Variants in PIK3CA observed in about 807,000 individuals in gnomAD.
PIK3CA encodes phosphatidylinositol 4,5-bisphosphate 3-kinase catalytic subunit alpha isoform.
PIK3CA carries 27 observed loss-of-function variants against 138.2 expected under a neutral mutation model. The observed-to-expected ratio is 0.20, with a 90% confidence interval of 0.14 to 0.27. The LOEUF (loss-of-function observed/expected upper bound fraction) is 0.27, where lower values mean the gene tolerates loss of function less well. Among genes scored for constraint, PIK3CA ranks in the 10% least tolerant of loss-of-function variants. The pLI, the probability that PIK3CA is intolerant of heterozygous loss-of-function variation, is 1.00. For synonymous variants in PIK3CA, 358 were observed against 413.2 expected (o/e 0.87, Z 1.62); for missense variants, 544 against 1,277.4 (o/e 0.43, Z 8.75).
chr3:179,215,771 C>T (rs561752722), intron 9 of PIK3CA, among the ~76,000 whole-genome samples: 1 of 152,210 alleles, frequency 6.6e-6, no homozygotes, highest in South Asian at 2.1e-4. Flanking sequence ...TCACTTTTCA[C>T]CCAGAATGAT....
chr3:179,198,482 T>G (rs1044711590), intron 1 of PIK3CA, among the ~76,000 whole-genome samples: 4 of 152,212 alleles, frequency 2.6e-5, no homozygotes, highest in African/African-American at 9.6e-5. Flanking sequence ...GATGAAACCT[T>G]AGAGAATCCA....
At chr3:179,183,618 A>T (rs968997747) in intron 1 of PIK3CA, among the ~76,000 whole-genome samples, 1 of 152,188 alleles carries the variant, frequency 6.6e-6, no homozygotes, top group South Asian at 2.1e-4. Context: ...CTTTATATCT[A>T]TTTGTAAGAA....
In PIK3CA at chr3:179,181,267, C is replaced by G. The variant is rs1179415282; in HGVS notation, c.-76-17483C>G. Reference sequence around the variant, plus strand: ...TTCTAGACTAAATTACTGGTATCAGCAATAAGTTTCATATTCTGACCAAAG... The same window carrying G: ...TTCTAGACTAAATTACTGGTATCAGGAATAAGTTTCATATTCTGACCAAAG... On this transcript the variant is annotated intron_variant, in intron 1 of 20. Transcript: ENST00000263967. Among the ~76,000 whole-genome samples, 2 of 152,016 alleles carry G rather than the reference C, an allele frequency of 1.3e-5. 1 individual carries two copies. The highest frequency in any genetic ancestry group is 2.9e-5 in the Non-Finnish European group (2 of 67,978).
intron 3 of PIK3CA, among the ~76,000 whole-genome samples, chr3:179,200,815 TG>T (rs1412909424): frequency 1.3e-5 from 2 of 152,170 alleles, no homozygotes; most frequent in Non-Finnish European, 2.9e-5. Context: ...AATTAGACAA[TG>T]CATTTCCTCT....
At chr3:179,159,115 C>T (rs953063660) in intron 1 of PIK3CA, among the ~76,000 whole-genome samples, 1 of 152,010 alleles carries the variant, frequency 6.6e-6, no homozygotes, top group African/African-American at 2.4e-5. Context: ...AAATTATCTG[C>T]GATTTTTGTT....
At chr3:179,233,391 A>G (rs1030649780) in intron 20 of PIK3CA, 3 of 396,664 alleles carry the variant, frequency 7.6e-6, no homozygotes, top group Non-Finnish European at 1.3e-5. Context: ...TTCTATGCCT[A>G]GTTTGTTGAG....
At position 179,218,630 on chromosome 3, in the gene PIK3CA, A is replaced by G. The variant is rs1207404497; in HGVS notation, c.1664+296A>G. On this transcript the variant is annotated intron_variant, in intron 10 of 20. Transcript: ENST00000263967. The stretch of plus-strand genomic sequence containing the variant: ...TTCTAGTAGTTTTAGGTCAATTTAG[A>G]TGTGATTTAGTTGGTCTAGATATTA... Among the ~76,000 whole-genome samples the G allele has an allele frequency of 2.6e-5, 4 of 151,954 alleles. No homozygotes were observed. The East Asian group carries it at 5.8e-4, about 22-fold the overall frequency.
chr3:179,183,183 G>C (rs978260393), intron 1 of PIK3CA, among the ~76,000 whole-genome samples: 2 of 152,142 alleles, frequency 1.3e-5, no homozygotes, highest in African/African-American at 4.8e-5. Flanking sequence ...GCTTGCAATG[G>C]ACATTTTCAT....
Position 179,236,733 on chromosome 3 carries a change from AAATT to A in PIK3CA, c.*2374_*2377del, listed in dbSNP as rs1434052935. The A allele has an allele frequency of 2.1e-4, 46 of 222,752 alleles. No homozygotes were observed. The East Asian group carries it at 2.9e-3, about 14-fold the overall frequency. 13.8% of individuals were successfully genotyped at this position (222,752 alleles called of 1,614,324 possible). The stretch of plus-strand genomic sequence containing the variant: ...TTTATTTTCAAAAGTTACTACAACC[AAATT>A]AATTCTATTAGAAGAAATGTAGACA... On this transcript the variant is annotated 3_prime_UTR_variant, in exon 21 of 21. Transcript: ENST00000263967.
chr3:179,148,855 T>A (rs1406554024), intron 1 of PIK3CA, among the ~76,000 whole-genome samples: 1 of 152,090 alleles, frequency 6.6e-6, no homozygotes, highest in East Asian at 1.9e-4. Context: ...TCGCTCTTCC[T>A]TTGCTTCTAC....
chr3:179,166,392 G>T (rs1407542969), intron 1 of PIK3CA, among the ~76,000 whole-genome samples: 6 of 152,050 alleles, frequency 3.9e-5, no homozygotes, highest in Non-Finnish European at 8.8e-5. Context: ...TACCCATAAA[G>T]CTCACATATT....
At chr3:179,225,067 C>T (rs1044652448) in intron 16 of PIK3CA, among the ~76,000 whole-genome samples, 5 of 151,636 alleles carry the variant, frequency 3.3e-5, no homozygotes, top group Admixed American at 6.6e-5. Context: ...TTTCCTGTTC[C>T]CTGCCTCCAA....
At chr3:179,226,137 G>A (rs940901387) in intron 17 of PIK3CA, 97 bp downstream of exon 17, 2 of 648,364 alleles carry the variant, frequency 3.1e-6, no homozygotes, top group Admixed American at 4.6e-5. Context: ...TGTCTAAAAA[G>A]AAATGTATGC....
intron 17 of PIK3CA, 148 bp from the exon 18 acceptor site, chr3:179,229,124 C>G: frequency 1.7e-6 from 1 of 574,836 alleles, no homozygotes; most frequent in Non-Finnish European, 3.0e-6. Context: ...GTTTATCACA[C>G]CATAAAAAAG....
At chr3:179,204,757 C>T (rs1488034108) in intron 6 of PIK3CA, among the ~76,000 whole-genome samples, 169 bp downstream of exon 6, 1 of 151,842 alleles carries the variant, frequency 6.6e-6, no homozygotes, top group East Asian at 1.9e-4. Flanking sequence ...CACGGTGGCT[C>T]ATGCCTGTAA....
intron 1 of PIK3CA, among the ~76,000 whole-genome samples, chr3:179,182,276 A>G (rs1450241062): frequency 6.6e-6 from 1 of 152,232 alleles, no homozygotes; most frequent in African/African-American, 2.4e-5. Flanking sequence ...AGCTTTATAA[A>G]GAAGCATTTT....
At chr3:179,151,280 A>C (rs1723007985) in intron 1 of PIK3CA, among the ~76,000 whole-genome samples, 1 of 152,234 alleles carries the variant, frequency 6.6e-6, no homozygotes, top group Admixed American at 6.5e-5. Flanking sequence ...GGCAGGTGAC[A>C]GACTCATTGA....
At position 179,199,466 on chromosome 3, in the gene PIK3CA, C is replaced by T. The variant is rs9811268; in HGVS notation, c.353-224C>T. 0.011 allele frequency among the ~76,000 whole-genome samples: 1,614 copies of T among 151,814 alleles called. 38 individuals are homozygous for T. Among genetic ancestry groups the T allele is most frequent in the African/African-American group, 0.037 (1,537 of 41,432 alleles). On this transcript the variant is annotated intron_variant, in intron 2 of 20. Coordinates refer to ENST00000263967, the MANE Select transcript of PIK3CA (RefSeq NM_006218.4). ...AATGATTGATAGGAATGTTTGCTGC[C>T]TTTGCTCTAAATTGCTGAATATATT...
chr3:179,221,633 T>C (rs1724968730), intron 14 of PIK3CA, among the ~76,000 whole-genome samples: 1 of 151,130 alleles, frequency 6.6e-6, no homozygotes, highest in African/African-American at 2.4e-5. Flanking sequence ...TCAGTAAATA[T>C]ATCACACTCT....
Sources: gnomAD v4.1 joint callset for allele counts (sites outside exome capture counted in the v4.1 genomes callset) on GRCh38, gnomAD v4.1.1 for gene constraint, MANE v1.5 for transcripts, NCBI Gene and HGNC (gene_info 2026-07-23, HGNC 2026-07-21) for gene names.